Variants in GORASP2 observed in about 807,000 individuals in gnomAD.
GORASP2 encodes golgi reassembly stacking protein 2.
Under a neutral mutation model 45.7 loss-of-function variants are expected in GORASP2, and 22 were observed. That is an observed-to-expected ratio of 0.48 (90% CI 0.34 to 0.69). The LOEUF is 0.69. Ranked by LOEUF, GORASP2 falls within the 30% of genes least tolerant of loss-of-function variation. The probability of loss-of-function intolerance (pLI) is 0.01; values close to 1 mark genes in which losing one functional copy is unlikely to be tolerated. For missense variants in GORASP2, 491 were observed against 562.7 expected (o/e 0.87, Z 1.29); for synonymous variants, 221 against 215.6 (o/e 1.02, Z -0.22).
chr2:170,955,482 A>G (rs543017266), intron 6 of GORASP2, among the ~76,000 whole-genome samples: 12 of 152,356 alleles, frequency 7.9e-5, no homozygotes, highest in Admixed American at 4.6e-4. Flanking sequence ...TTAAGGAGGT[A>G]TCTCAGGGCA....
Position 170,951,429 on chromosome 2 carries a change from A to T in GORASP2, c.537A>T (p.Thr179=), listed in dbSNP as rs779513799. The change falls in exon 5 of 10, where the codon ACA becomes ACT. Residue 179 remains threonine, a synonymous_variant. Coordinates refer to ENST00000234160, the MANE Select transcript of GORASP2 (RefSeq NM_015530.5). Reference sequence around the variant, plus strand: ...ATAACTGTCGAGAAGTGATTATTACACCAAATTCTGCATGGGGTGGAGAAG... The same window carrying T: ...ATAACTGTCGAGAAGTGATTATTACTCCAAATTCTGCATGGGGTGGAGAAG... ...DTDNCREVII[T]PNSAWGGEGS... 1 of 1,611,354 alleles carries T rather than the reference A, an allele frequency of 6.2e-7. No homozygotes were observed. Among genetic ancestry groups the T allele is most frequent in the East Asian group, 2.2e-5 (1 of 44,758 alleles).
rs962929202 is a variant in GORASP2 at position 170,966,138 on chromosome 2, C to G, written c.*8C>G. On this transcript the variant is annotated 3_prime_UTR_variant, in exon 10 of 10. Coordinates refer to ENST00000234160, the MANE Select transcript of GORASP2 (RefSeq NM_015530.5). Reference sequence around the variant, plus strand: ...GCTTCTGAGTCACCTTAACTTTGAACCATTCTTTGGAATTGGCGTGGTATA... The same window carrying G: ...GCTTCTGAGTCACCTTAACTTTGAAGCATTCTTTGGAATTGGCGTGGTATA... The G allele has an allele frequency of 1.2e-6, 2 of 1,601,448 alleles. No homozygotes were observed. The highest frequency in any genetic ancestry group is 1.7e-5 in the Admixed American group (1 of 59,986).
chr2:170,962,518 T>C (rs1336744801), intron 8 of GORASP2, among the ~76,000 whole-genome samples: 1 of 152,248 alleles, frequency 6.6e-6, no homozygotes, highest in Non-Finnish European at 1.5e-5. Flanking sequence ...TTATCTGCCA[T>C]ATCTACTGAA....
intron 1 of GORASP2, among the ~76,000 whole-genome samples, chr2:170,930,906 G>A (rs1703806216): frequency 6.6e-6 from 1 of 151,278 alleles, no homozygotes; most frequent in Non-Finnish European, 1.5e-5. Context: ...GAATCCTTGG[G>A]GATTCATGAT....
At chr2:170,957,847 G>T (rs1704465083) in intron 7 of GORASP2, among the ~76,000 whole-genome samples, 1 of 152,006 alleles carries the variant, frequency 6.6e-6, no homozygotes, top group South Asian at 2.1e-4. Flanking sequence ...TTTTTGTAGG[G>T]CTGGGGTCTC....
In GORASP2 at chr2:170,955,082, T is replaced by G. The variant is rs115522822; in HGVS notation, c.699+300T>G. On this transcript the variant is annotated intron_variant, in intron 6 of 9. Coordinates refer to ENST00000234160, the MANE Select transcript of GORASP2 (RefSeq NM_015530.5). Reference sequence around the variant, plus strand: ...CTGCTAGGGATTGGGTCTGGGTGGGTCGCCATCTTGAAAATCTGGATGGGC... The same window carrying G: ...CTGCTAGGGATTGGGTCTGGGTGGGGCGCCATCTTGAAAATCTGGATGGGC... Among the ~76,000 whole-genome samples the G allele has an allele frequency of 1.4e-3, 215 of 151,308 alleles. 1 individual carries two copies. The highest frequency in any genetic ancestry group is 5.0e-3 in the African/African-American group (207 of 41,206).
At chr2:170,958,656 T>TTC (rs1704481826) in intron 7 of GORASP2, among the ~76,000 whole-genome samples, 1 of 69,062 alleles carries the variant, frequency 1.4e-5, no homozygotes, top group Non-Finnish European at 3.4e-5. Flanking sequence ...AGATGCTCTT[T>TTC]TTTTTTTTTT....
chr2:170,960,788 G>C lies in GORASP2; in HGVS notation c.824-875G>C, dbSNP rs116655297. ...ACTTTTCTTATTTTTGCTTGCCTCT[G>C]AATTCCGCAGAAAAGTAGATAAATG... On this transcript the variant is annotated intron_variant, in intron 7 of 9. Transcript: ENST00000234160. Among the ~76,000 whole-genome samples the C allele has an allele frequency of 3.8e-3, 586 of 152,254 alleles. 8 individuals carry two copies. Among genetic ancestry groups the C allele is most frequent in the African/African-American group, 0.013 (543 of 41,510 alleles).
At chr2:170,964,892 A>ATTTTTTTTTTTT (rs1199571345) in intron 9 of GORASP2, among the ~76,000 whole-genome samples, 1 of 64,702 alleles carries the variant, frequency 1.5e-5, no homozygotes, top group Non-Finnish European at 2.7e-5. Flanking sequence ...ATGCATTTTA[A>ATTTTTTTTTTTT]TTTTTTTTTT....
chr2:170,962,861 A>T lies in GORASP2; in HGVS notation c.933A>T (p.Gly311=). The change falls in exon 9 of 10, where the codon GGA becomes GGT. Residue 311 remains glycine, a synonymous_variant. Coordinates refer to ENST00000234160, the MANE Select transcript of GORASP2 (RefSeq NM_015530.5). ...CAGGTCTGATGCCTTTACCAGCAGG[A>T]CTGCCCAACCTCCCCAACCTCAACC... ...TLPGLMPLPA[G]LPNLPNLNLN... is the part of the protein sequence containing the mutation. 5 of 1,613,738 alleles carry T rather than the reference A, an allele frequency of 3.1e-6. No individual in the cohort carries two copies. The highest frequency in any genetic ancestry group is 1.3e-5 in the African/African-American group (1 of 74,982).
chr2:170,958,678 A>ATTT (rs1294899402), intron 7 of GORASP2, among the ~76,000 whole-genome samples: 3 of 63,178 alleles, frequency 4.7e-5, no homozygotes, highest in African/African-American at 7.4e-5. Context: ...TTTTTTTAAA[A>ATTT]AAAAAAAAAA....
chr2:170,966,178 C>A lies in GORASP2; in HGVS notation c.*48C>A. On this transcript the variant is annotated 3_prime_UTR_variant, in exon 10 of 10. Coordinates refer to ENST00000234160, the MANE Select transcript of GORASP2 (RefSeq NM_015530.5). ...GGCGTGGTATATTTAACCACGGGAG[C>A]GTGTCTGGAAACGCAAACTATCATT... 7.5e-7 allele frequency: 1 copy of A among 1,339,840 alleles called. No individual in the cohort carries two copies. Among genetic ancestry groups the A allele is most frequent in the Non-Finnish European group, 1.1e-6 (1 of 931,186 alleles). 83.0% of individuals were successfully genotyped at this position (1,339,840 alleles called of 1,614,324 possible).
At chr2:170,949,796 T>C in intron 3 of GORASP2, 54 bp downstream of exon 3, 1 of 1,358,356 alleles carries the variant, frequency 7.4e-7, no homozygotes. Flanking sequence ...TGTGGAAAGA[T>C]GTTTTAACAA....
chr2:170,962,709 G>A (rs2105329712), intron 8 of GORASP2, 130 bp from the exon 9 acceptor site: 1 of 655,166 alleles, frequency 1.5e-6, no homozygotes. Flanking sequence ...ATGATACACA[G>A]CTGCCACACA....
At chr2:170,929,544 T>G (rs558100199) in intron 1 of GORASP2, 141 bp downstream of exon 1, 1 of 717,418 alleles carries the variant, frequency 1.4e-6, no homozygotes, top group East Asian at 3.5e-5. Context: ...GCTGCCTTGG[T>G]CGAGGCTGGT....
intron 1 of GORASP2, among the ~76,000 whole-genome samples, chr2:170,942,528 T>C (rs973093392): frequency 6.6e-6 from 1 of 152,228 alleles, no homozygotes; most frequent in African/African-American, 2.4e-5. Context: ...GTTTTCAAGA[T>C]TTATCCATGT....
chr2:170,948,073 G>A (rs1405563809), intron 1 of GORASP2, among the ~76,000 whole-genome samples: 2 of 152,298 alleles, frequency 1.3e-5, no homozygotes, highest in South Asian at 2.1e-4. Context: ...GCAGTGAACC[G>A]AGATTGTGCC....
At chr2:170,938,134 AT>A in intron 1 of GORASP2, among the ~76,000 whole-genome samples, 1 of 152,348 alleles carries the variant, frequency 6.6e-6, no homozygotes, top group South Asian at 2.1e-4. Flanking sequence ...TACCTCCTTG[AT>A]TATCCTGTGG....
chr2:170,951,802 A>G (rs558103874), intron 5 of GORASP2, among the ~76,000 whole-genome samples: 8 of 152,354 alleles, frequency 5.3e-5, no homozygotes, highest in African/African-American at 1.9e-4. Context: ...TGGGAAAAGG[A>G]TAACTTAGTT....
Sources: gnomAD v4.1 joint callset for allele counts (sites outside exome capture counted in the v4.1 genomes callset) on GRCh38, gnomAD v4.1.1 for gene constraint, MANE v1.5 for transcripts, NCBI Gene and HGNC (gene_info 2026-07-23, HGNC 2026-07-21) for gene names.